CTNNA3: variants seen among roughly 807,000 people sequenced by gnomAD.
CTNNA3 encodes catenin alpha-3.
In CTNNA3, 76 loss-of-function variants were observed where a neutral mutation model predicts 95.7. That is an observed-to-expected ratio of 0.79 (90% CI 0.66 to 0.96). The LOEUF (loss-of-function observed/expected upper bound fraction) is 0.96. Among genes scored for constraint, CTNNA3 ranks in the 40% least tolerant of loss-of-function variants. CTNNA3 has a pLI of 0.00. For synonymous variants in CTNNA3, 431 were observed against 374.4 expected (o/e 1.15, Z -1.74); for missense variants, 1,191 against 1,089.8 (o/e 1.09, Z -1.31).
At chr10:66,500,001 C>A (rs143097509) in intron 11 of CTNNA3, among the ~76,000 whole-genome samples, 2,778 of 152,070 alleles carry the variant, frequency 0.018, 46 homozygotes, top group Middle Eastern at 0.031. Flanking sequence ...TGGGGTTTCA[C>A]CATGTTGGCC....
chr10:66,360,196 AC>A (rs1473372012), intron 12 of CTNNA3, among the ~76,000 whole-genome samples: 1 of 103,824 alleles, frequency 9.6e-6, no homozygotes, highest in African/African-American at 2.6e-5. Flanking sequence ...AAAACACTGA[AC>A]TTTTTTTTTT....
intron 5 of CTNNA3, among the ~76,000 whole-genome samples, chr10:67,326,082 T>C (rs1255745693): frequency 6.6e-6 from 1 of 152,148 alleles, no homozygotes; most frequent in Non-Finnish European, 1.5e-5. Context: ...TTGCTTGGTA[T>C]ATTTTTCTCT....
At chr10:66,121,310 T>C (rs2082562024) in intron 13 of CTNNA3, among the ~76,000 whole-genome samples, 1 of 152,242 alleles carries the variant, frequency 6.6e-6, no homozygotes. Flanking sequence ...TTATTGCTTA[T>C]AAATCTCTTT....
chr10:67,650,621 G>C (rs997930816), intron 1 of CTNNA3, among the ~76,000 whole-genome samples: 5 of 152,124 alleles, frequency 3.3e-5, no homozygotes, highest in South Asian at 2.1e-4. Flanking sequence ...TCAATTTTAA[G>C]TTCATTTGGT....
chr10:67,010,681 C>G (rs925894317), intron 7 of CTNNA3, among the ~76,000 whole-genome samples: 1 of 152,140 alleles, frequency 6.6e-6, no homozygotes, highest in Admixed American at 6.5e-5. Flanking sequence ...TTTTCCAATG[C>G]TTTTGTATAG....
At chr10:66,002,072 G>A (rs1166143059) in intron 15 of CTNNA3, among the ~76,000 whole-genome samples, 1 of 152,060 alleles carries the variant, frequency 6.6e-6, no homozygotes, top group Non-Finnish European at 1.5e-5. Context: ...TACAAGAATA[G>A]AGCTGAATTA....
At chr10:66,463,771 C>T (rs112507133) in intron 11 of CTNNA3, among the ~76,000 whole-genome samples, 3,194 of 152,006 alleles carry the variant, frequency 0.021, 110 homozygotes, top group African/African-American at 0.073. Context: ...GCTGCAGCCT[C>T]GTCAAAAATA....
At chr10:66,568,008 T>C (rs1842764302) in intron 10 of CTNNA3, among the ~76,000 whole-genome samples, 1 of 152,194 alleles carries the variant, frequency 6.6e-6, no homozygotes, top group Non-Finnish European at 1.5e-5. Context: ...ACATGTATAC[T>C]TCACATTTAC....
intron 5 of CTNNA3, among the ~76,000 whole-genome samples, chr10:67,352,370 G>A (rs1564588569): frequency 2.6e-5 from 4 of 152,030 alleles, no homozygotes; most frequent in African/African-American, 9.6e-5. Flanking sequence ...GCATACCTGT[G>A]CTGATGTATT....
rs755177401 is a variant in CTNNA3, at chr10:66,927,841, C to T, written c.1048-152317G>A. ...TTGGATATCCCTCAATGACATCAGT[C>T]TTGCTGGGAATATATGGGAATGCAG... On this transcript the variant is annotated intron_variant, in intron 7 of 17. Transcript: ENST00000433211. This position sits in a 1 kb window ranked among gnomAD's most constrained non-coding sequence, Gnocchi z 4.7. 2.5e-6 allele frequency: 4 copies of T among 1,614,210 alleles called. No homozygotes were observed. In the East Asian group the frequency reaches 8.9e-5, roughly 36 times the overall value.
intron 7 of CTNNA3, among the ~76,000 whole-genome samples, chr10:67,027,093 T>G (rs1234805545): frequency 6.6e-6 from 1 of 152,188 alleles, no homozygotes; most frequent in Non-Finnish European, 1.5e-5. Context: ...TGCCTTCTAC[T>G]TCTTTTATAT....
chr10:67,230,077 TA>T (rs963492733), intron 5 of CTNNA3, among the ~76,000 whole-genome samples: 7 of 152,222 alleles, frequency 4.6e-5, no homozygotes, highest in Admixed American at 1.3e-4. Flanking sequence ...AACTATACTA[TA>T]AGGCCATAGA....
chr10:66,074,885 T>C (rs1377304812), intron 14 of CTNNA3, among the ~76,000 whole-genome samples: 1 of 151,932 alleles, frequency 6.6e-6, no homozygotes, highest in Non-Finnish European at 1.5e-5. Context: ...AGTAGGAACA[T>C]ATTGCATGAT....
rs548417256 is a variant in CTNNA3 at position 67,577,707 on chromosome 10, T to G, written c.292+29150A>C. Among the ~76,000 whole-genome samples, 205 of 151,248 alleles carry G rather than the reference T, an allele frequency of 1.4e-3. 1 individual carries two copies. Among genetic ancestry groups the G allele is most frequent in the African/African-American group, 4.8e-3 (198 of 40,962 alleles). On this transcript the variant is annotated intron_variant, in intron 3 of 17. Transcript: ENST00000433211. ...GTGTATATATATACACACATATGTG[T>G]GTGTGTGTGTGTGTGTATATATACT...
At chr10:66,051,840 A>G (rs946889758) in intron 15 of CTNNA3, among the ~76,000 whole-genome samples, 1 of 152,140 alleles carries the variant, frequency 6.6e-6, no homozygotes, top group Non-Finnish European at 1.5e-5. Context: ...TCTCCTGCAG[A>G]TAATAATTAG....
chr10:66,625,695 C>T (rs117989822), intron 9 of CTNNA3, among the ~76,000 whole-genome samples: 2,054 of 152,280 alleles, frequency 0.013, 26 homozygotes, highest in Non-Finnish European at 0.023. Context: ...ACCCCTAGTT[C>T]CAGTTCTGTA....
At chr10:66,418,295 C>G (rs117597765) in intron 11 of CTNNA3, among the ~76,000 whole-genome samples, 5,148 of 151,442 alleles carry the variant, frequency 0.034, 111 homozygotes, top group Non-Finnish European at 0.052. Flanking sequence ...TTGCTAGAAA[C>G]ATACATACAA....
chr10:66,414,924 G>A (rs559426700), intron 11 of CTNNA3, among the ~76,000 whole-genome samples: 2 of 152,090 alleles, frequency 1.3e-5, no homozygotes, highest in Non-Finnish European at 2.9e-5. Context: ...GTACTGCCTG[G>A]GGTTTAGACA....
intron 7 of CTNNA3, among the ~76,000 whole-genome samples, chr10:67,084,469 A>G (rs1239063892): frequency 1.3e-5 from 2 of 151,908 alleles, no homozygotes; most frequent in Admixed American, 6.6e-5. Context: ...ATTAATTTAA[A>G]TATTGTTTAT....
Sources: gnomAD v4.1 joint callset for allele counts (sites outside exome capture counted in the v4.1 genomes callset) on GRCh38, gnomAD v4.1.1 for gene constraint, Gnocchi (gnomAD v3.1) non-coding constraint, MANE v1.5 for transcripts, NCBI Gene and HGNC (gene_info 2026-07-23, HGNC 2026-07-21) for gene names.